The following SMYD3 variants were observed in gnomAD, a reference collection of about 807,000 sequenced individuals.
SMYD3 encodes SET and MYND domain containing 3, also known as histone-lysine N-methyltransferase SMYD3.
A neutral mutation model predicts 57.7 loss-of-function variants in SMYD3; 36 were observed. The ratio of observed to expected loss-of-function variants is 0.62; its 90% CI spans 0.48 to 0.82. The LOEUF is 0.82. Among genes scored for constraint, SMYD3 ranks in the 40% least tolerant of loss-of-function variants. The pLI is 0.00. For synonymous variants in SMYD3, 211 were observed against 195.0 expected, an observed-to-expected ratio of 1.08 and a Z score of -0.68; for missense variants, 515 against 538.8, an observed-to-expected ratio of 0.96 and a Z score of 0.44.
intron 5 of SMYD3, among the ~76,000 whole-genome samples, chr1:245,940,585 C>CA (rs140883787): frequency 8.0e-5 from 12 of 149,572 alleles, no homozygotes; most frequent in South Asian, 2.1e-4. Flanking sequence ...CAAAACAAAA[C>CA]AAAAAAAAAC....
At chr1:245,932,786 T>C (rs1213921027) in intron 5 of SMYD3, among the ~76,000 whole-genome samples, 1 of 152,176 alleles carries the variant, frequency 6.6e-6, no homozygotes, top group Non-Finnish European at 1.5e-5. Context: ...GACCTTGAAC[T>C]CCTGGCCTCA....
chr1:246,474,390 G>A (rs567926848), intron 1 of SMYD3, among the ~76,000 whole-genome samples: 2 of 151,988 alleles, frequency 1.3e-5, no homozygotes, highest in South Asian at 2.1e-4. Context: ...GTGGTGGCAC[G>A]TGCCTATAGT....
intron 5 of SMYD3, among the ~76,000 whole-genome samples, chr1:246,207,459 T>G (rs994293861): frequency 6.6e-6 from 1 of 152,066 alleles, no homozygotes; most frequent in Non-Finnish European, 1.5e-5. Flanking sequence ...CTTATTTCCA[T>G]CTAAATACAG....
intron 5 of SMYD3, among the ~76,000 whole-genome samples, chr1:246,053,911 T>A (rs1292920664): frequency 2.0e-5 from 3 of 151,794 alleles, no homozygotes; most frequent in Non-Finnish European, 2.9e-5. Context: ...ACTATAAAAG[T>A]AAAAATTGAT....
In SMYD3 at chr1:246,335,352, G is replaced by A; in HGVS notation, c.336+15C>T. On this transcript the variant is annotated intron_variant, in intron 3 of 11. Transcript: ENST00000490107. ...TAACCAAAACCCAGCTATATTTCAT[G>A]AGTTTTATACTCACAAGTTTGAAGA... The A allele has an allele frequency of 6.2e-7, 1 of 1,607,092 alleles. No homozygotes were observed. Among genetic ancestry groups the A allele is most frequent in the Non-Finnish European group, 8.5e-7 (1 of 1,174,240 alleles).
chr1:246,466,846 T>TA (rs146889128), intron 1 of SMYD3, among the ~76,000 whole-genome samples: 6,360 of 152,020 alleles, frequency 0.042, 193 homozygotes, highest in East Asian at 0.17. Flanking sequence ...AGGCCCTGTC[T>TA]CAAAAAGAAT....
chr1:245,775,768 CTG>C (rs796816366), intron 10 of SMYD3, among the ~76,000 whole-genome samples: 6 of 149,642 alleles, frequency 4.0e-5, no homozygotes, highest in African/African-American at 1.2e-4. Context: ...GCTGTATAAA[CTG>C]TCTCTCAATA....
At chr1:246,118,044 C>T (rs962043835) in intron 5 of SMYD3, among the ~76,000 whole-genome samples, 1 of 152,076 alleles carries the variant, frequency 6.6e-6, no homozygotes, top group Non-Finnish European at 1.5e-5. Context: ...AGGGACTACA[C>T]AAACAATAGT....
chr1:245,882,996 G>A (rs2052871087), intron 8 of SMYD3, among the ~76,000 whole-genome samples: 1 of 152,176 alleles, frequency 6.6e-6, no homozygotes, highest in South Asian at 2.1e-4. Context: ...TAATGTAGCA[G>A]CACTGTGATT....
At chr1:246,225,797 A>C (rs1398633078) in intron 5 of SMYD3, among the ~76,000 whole-genome samples, 1 of 152,144 alleles carries the variant, frequency 6.6e-6, no homozygotes, top group South Asian at 2.1e-4. Flanking sequence ...GGTTTTGCGG[A>C]GGGATTCGTA....
At chr1:246,167,190 C>T (rs186586984) in intron 5 of SMYD3, among the ~76,000 whole-genome samples, 61 of 152,300 alleles carry the variant, frequency 4.0e-4, no homozygotes, top group Middle Eastern at 6.8e-3. Context: ...CAACTAACAA[C>T]GAGCATTTTG....
intron 8 of SMYD3, among the ~76,000 whole-genome samples, chr1:245,885,386 C>G (rs1211638719): frequency 6.6e-6 from 1 of 152,206 alleles, no homozygotes; most frequent in Non-Finnish European, 1.5e-5. Flanking sequence ...CTTATTGGCA[C>G]AGCTGCCAGC....
intron 10 of SMYD3, among the ~76,000 whole-genome samples, chr1:245,784,205 T>TA (rs979731493): frequency 3.9e-5 from 6 of 152,224 alleles, no homozygotes; most frequent in African/African-American, 7.2e-5. Context: ...GATGTTCACT[T>TA]ACCACACTGC....
At chr1:245,896,261 G>A (rs949920907) in intron 8 of SMYD3, among the ~76,000 whole-genome samples, 1 of 151,800 alleles carries the variant, frequency 6.6e-6, no homozygotes. Context: ...CTATGTACTC[G>A]AAAAGCAACT....
chr1:246,361,392 C>T (rs1447457282), intron 1 of SMYD3, among the ~76,000 whole-genome samples: 2 of 152,128 alleles, frequency 1.3e-5, no homozygotes, highest in African/African-American at 4.8e-5. Context: ...AGTGGAGATT[C>T]CTAAAGAACT....
At chr1:246,379,783 TA>T (rs1289089464) in intron 1 of SMYD3, among the ~76,000 whole-genome samples, 1 of 152,174 alleles carries the variant, frequency 6.6e-6, no homozygotes, top group African/African-American at 2.4e-5. Flanking sequence ...ATGGATCACT[TA>T]AGGCCAGGTG....
chr1:245,863,644 C>T (rs1007283762), intron 9 of SMYD3, among the ~76,000 whole-genome samples, 155 bp downstream of exon 9: 6 of 152,234 alleles, frequency 3.9e-5, no homozygotes, highest in Non-Finnish European at 8.8e-5. Context: ...AACTGCTGGC[C>T]AGGGTCGGAG....
chr1:245,757,873 T>A (rs2045676726), intron 11 of SMYD3, among the ~76,000 whole-genome samples: 1 of 152,118 alleles, frequency 6.6e-6, no homozygotes, highest in African/African-American at 2.4e-5. Context: ...TCCATATTTC[T>A]TCTTCTTTTT....
intron 5 of SMYD3, among the ~76,000 whole-genome samples, chr1:246,304,440 T>C (rs975854859): frequency 2.0e-5 from 3 of 152,070 alleles, no homozygotes. Context: ...ACATATGCCA[T>C]AAAAGTACAT....
Sources: gnomAD v4.1 joint callset for allele counts (sites outside exome capture counted in the v4.1 genomes callset) on GRCh38, gnomAD v4.1.1 for gene constraint, MANE v1.5 for transcripts, NCBI Gene and HGNC (gene_info 2026-07-23, HGNC 2026-07-21) for gene names.